The following HACD2 variants were observed in gnomAD, a reference collection of about 807,000 sequenced individuals.
HACD2 encodes 3-hydroxyacyl-CoA dehydratase 2, also known as very-long-chain (3R)-3-hydroxyacyl-CoA dehydratase 2.
A neutral mutation model predicts 31.0 loss-of-function variants in HACD2; 15 were observed. The observed-to-expected ratio is 0.48, with a 90% CI of 0.32 to 0.75. The LOEUF (loss-of-function observed/expected upper bound fraction) is 0.75, where lower values mean the gene tolerates loss of function less well. Ranked by LOEUF, HACD2 falls within the 30% of genes least tolerant of loss-of-function variation. HACD2 has a pLI of 0.03. For synonymous variants in HACD2, 115 were observed against 122.2 expected (o/e 0.94, Z 0.39); for missense variants, 283 against 313.0 (o/e 0.90, Z 0.72).
intron 3 of HACD2, among the ~76,000 whole-genome samples, chr3:123,559,542 A>G (rs2056705977): frequency 6.6e-6 from 1 of 152,212 alleles, no homozygotes; most frequent in South Asian, 2.1e-4. Context: ...ATCATCACGT[A>G]TTCAGTCCAA....
chr3:123,528,867 C>T (rs1183917800), intron 3 of HACD2, among the ~76,000 whole-genome samples: 4 of 152,130 alleles, frequency 2.6e-5, no homozygotes, highest in Non-Finnish European at 5.9e-5. Flanking sequence ...GAAATCAATC[C>T]TATTTGTGTC....
intron 3 of HACD2, among the ~76,000 whole-genome samples, chr3:123,554,829 T>G (rs1576776446): frequency 7.3e-6 from 1 of 136,454 alleles, no homozygotes; most frequent in African/African-American, 3.7e-5. Flanking sequence ...TAAAGTAAGA[T>G]TTAAGACAAA....
chr3:123,506,320 T>C (rs967150468), intron 4 of HACD2, among the ~76,000 whole-genome samples: 1 of 152,230 alleles, frequency 6.6e-6, no homozygotes, highest in Non-Finnish European at 1.5e-5. Flanking sequence ...GTCTCATCAT[T>C]TGGCTTCCTC....
intron 3 of HACD2, among the ~76,000 whole-genome samples, chr3:123,532,297 A>G (rs971565074): frequency 1.3e-5 from 2 of 152,180 alleles, no homozygotes; most frequent in Non-Finnish European, 2.9e-5. Flanking sequence ...ACCAACTGTC[A>G]CTTAGTTTCT....
intron 4 of HACD2, among the ~76,000 whole-genome samples, chr3:123,503,179 C>T (rs924886784): frequency 6.6e-6 from 1 of 151,452 alleles, no homozygotes; most frequent in African/African-American, 2.4e-5. Flanking sequence ...GCAGGAGAGT[C>T]GCTTGAACCC....
chr3:123,554,050 TTA>T (rs1316684284), intron 3 of HACD2, among the ~76,000 whole-genome samples: 1 of 12,738 alleles, frequency 7.9e-5, no homozygotes, highest in Non-Finnish European at 1.6e-4. Flanking sequence ...CACCTTGTTT[TTA>T]TGTTTCCCTT....
intron 4 of HACD2, among the ~76,000 whole-genome samples, chr3:123,506,609 A>AT (rs761395921): frequency 3.3e-5 from 5 of 151,124 alleles, no homozygotes; most frequent in Non-Finnish European, 7.4e-5. Flanking sequence ...TTTTTTTCTT[A>AT]TTTTTTGTAG....
At chr3:123,509,006 T>C (rs1044312343) in intron 4 of HACD2, among the ~76,000 whole-genome samples, 50 of 152,178 alleles carry the variant, frequency 3.3e-4, no homozygotes, top group African/African-American at 1.1e-3. Flanking sequence ...TAAACTTATT[T>C]CCCAAAGGTC....
chr3:123,547,238 T>A (rs995962755), intron 3 of HACD2, among the ~76,000 whole-genome samples: 5 of 152,190 alleles, frequency 3.3e-5, no homozygotes, highest in African/African-American at 1.2e-4. Context: ...CAGATTATTT[T>A]AAGGAAAAAA....
chr3:123,566,907 G>T lies in HACD2; in HGVS notation c.292+855C>A, dbSNP rs535951947. Among the ~76,000 whole-genome samples the T allele has an allele frequency of 4.6e-5, 7 of 152,212 alleles. No homozygotes were observed. In the South Asian group the frequency reaches 1.5e-3, roughly 32 times the overall value. ...AGTGACCTCTGCTAGACCCACAGTG[G>T]ACAGTCTGGTGTTCTCTACCTGTGC... On this transcript the variant is annotated intron_variant, in intron 3 of 6. Transcript: ENST00000383657.
At chr3:123,547,211 T>C (rs1370704011) in intron 3 of HACD2, among the ~76,000 whole-genome samples, 1 of 152,192 alleles carries the variant, frequency 6.6e-6, no homozygotes, top group African/African-American at 2.4e-5. Flanking sequence ...GGAATTGTGA[T>C]TACGCCTTCC....
At chr3:123,507,309 G>A (rs2055989148) in intron 4 of HACD2, among the ~76,000 whole-genome samples, 1 of 152,148 alleles carries the variant, frequency 6.6e-6, no homozygotes, top group Admixed American at 6.5e-5. Flanking sequence ...TAATGCAAAT[G>A]TTCATAGAGT....
intron 2 of HACD2, among the ~76,000 whole-genome samples, chr3:123,568,519 C>T (rs2049713): frequency 0.36 from 55,127 of 152,018 alleles, 11,106 homozygotes; most frequent in African/African-American, 0.55. Context: ...GTCCTGCTGG[C>T]GATTCTGGGG....
At chr3:123,549,843 C>G (rs2056599544) in intron 3 of HACD2, among the ~76,000 whole-genome samples, 1 of 151,956 alleles carries the variant, frequency 6.6e-6, no homozygotes, top group Admixed American at 6.6e-5. Context: ...ATTCAGATAT[C>G]TTTTATTAGG....
At chr3:123,535,218 C>T (rs1038720484) in intron 3 of HACD2, among the ~76,000 whole-genome samples, 15 of 152,174 alleles carry the variant, frequency 9.9e-5, no homozygotes, top group East Asian at 1.9e-4. Flanking sequence ...TTTTACTGTG[C>T]GTTTTCTATG....
At chr3:123,563,521 G>A (rs769658665) in intron 3 of HACD2, among the ~76,000 whole-genome samples, 1 of 152,214 alleles carries the variant, frequency 6.6e-6, no homozygotes, top group Non-Finnish European at 1.5e-5. Context: ...CAGGAGCAGT[G>A]TGGAGCATGG....
At chr3:123,499,247 G>A (rs1264424971) in intron 6 of HACD2, 1 of 177,962 alleles carries the variant, frequency 5.6e-6, no homozygotes, top group African/African-American at 2.4e-5. Flanking sequence ...TCTAGAGACT[G>A]GAAAATGAAA....
intron 4 of HACD2, among the ~76,000 whole-genome samples, chr3:123,526,625 A>AC (rs35116181): frequency 2.8e-4 from 42 of 152,260 alleles, no homozygotes; most frequent in Non-Finnish European, 4.3e-4. Flanking sequence ...GAATATGGAA[A>AC]TGTAATGAGT....
At chr3:123,541,418 C>T (rs1019105381) in intron 3 of HACD2, among the ~76,000 whole-genome samples, 2 of 152,202 alleles carry the variant, frequency 1.3e-5, no homozygotes, top group Non-Finnish European at 2.9e-5. Context: ...AAGAAATATA[C>T]TCCTATTGGC....
Sources: allele counts gnomAD v4.1 joint callset (sites outside exome capture counted in the v4.1 genomes callset), GRCh38; gene constraint gnomAD v4.1.1; transcripts MANE v1.5; gene names NCBI Gene and HGNC (gene_info 2026-07-23, HGNC 2026-07-21).